TMEFF2: variants seen among roughly 807,000 people sequenced by gnomAD.
TMEFF2 encodes the protein transmembrane protein with EGF like and two follistatin like domains 2.
TMEFF2 carries 28 observed loss-of-function variants against 53.8 expected under a neutral mutation model. The ratio of observed to expected loss-of-function variants is 0.52; its 90% CI spans 0.39 to 0.71. The LOEUF (loss-of-function observed/expected upper bound fraction) is 0.71, where lower values mean the gene tolerates loss of function less well. TMEFF2 is among the 30% of genes least tolerant of loss of function. The pLI is 0.00. For missense variants in TMEFF2, 353 were observed against 455.2 expected (o/e 0.78, Z 2.04); for synonymous variants, 162 against 166.3 (o/e 0.97, Z 0.20).
At chr2:192,099,924 G>C (rs887182042) in intron 4 of TMEFF2, among the ~76,000 whole-genome samples, 8 of 151,964 alleles carry the variant, frequency 5.3e-5, no homozygotes, top group African/African-American at 1.9e-4. Context: ...TATTACTCAA[G>C]TGTATTCCAA....
At chr2:192,076,634 A>T (rs1688438645) in intron 4 of TMEFF2, among the ~76,000 whole-genome samples, 1 of 152,124 alleles carries the variant, frequency 6.6e-6, no homozygotes, top group Non-Finnish European at 1.5e-5. Context: ...AAAAGCAGCA[A>T]GTTCATTTAT....
rs1300671800 is a variant in TMEFF2 at position 191,993,178 on chromosome 2, C to T, written c.745+5084G>A. ...TTCTACAGAGAACAAGTTATTAGGA[C>T]AACTCACTTAAACTATCTAGATACC... On this transcript the variant is annotated intron_variant, in intron 7 of 9. Coordinates refer to ENST00000272771, the MANE Select transcript of TMEFF2 (RefSeq NM_016192.4). Among the ~76,000 whole-genome samples the T allele has an allele frequency of 2.0e-5, 3 of 152,032 alleles. No individual in the cohort carries two copies. In the South Asian group the frequency reaches 6.2e-4, roughly 31 times the overall value.
intron 4 of TMEFF2, among the ~76,000 whole-genome samples, chr2:192,119,935 G>A (rs1689508404): frequency 1.3e-5 from 2 of 152,162 alleles, no homozygotes; most frequent in South Asian, 4.1e-4. Flanking sequence ...CCTGAACTTG[G>A]TCCTGAGTAA....
At chr2:191,982,813 CCTT>C (rs1321181904) in intron 7 of TMEFF2, among the ~76,000 whole-genome samples, 1 of 151,982 alleles carries the variant, frequency 6.6e-6, no homozygotes, top group Non-Finnish European at 1.5e-5. Flanking sequence ...TTCTTTGACT[CCTT>C]AATTTTAAAA....
intron 5 of TMEFF2, among the ~76,000 whole-genome samples, chr2:192,017,174 G>A (rs1322221716): frequency 6.6e-6 from 1 of 152,206 alleles, no homozygotes; most frequent in Non-Finnish European, 1.5e-5. Context: ...TAGAGCTGGA[G>A]GTTCCCATGC....
chr2:192,038,314 T>A (rs552334805), intron 5 of TMEFF2, among the ~76,000 whole-genome samples: 98 of 152,302 alleles, frequency 6.4e-4, no homozygotes, highest in Non-Finnish European at 1.3e-3. Flanking sequence ...AAGTTCATCA[T>A]CTTTAAAACT....
chr2:192,042,796 A>G (rs1191136630), intron 5 of TMEFF2, among the ~76,000 whole-genome samples: 1 of 152,150 alleles, frequency 6.6e-6, no homozygotes, highest in Admixed American at 6.5e-5. Flanking sequence ...TAACACAGAG[A>G]AAGAGGTTCA....
intron 7 of TMEFF2, among the ~76,000 whole-genome samples, chr2:191,986,354 C>A (rs1685974090): frequency 6.6e-6 from 1 of 151,964 alleles, no homozygotes; most frequent in Non-Finnish European, 1.5e-5. Context: ...AAGCAGGGAC[C>A]CAAGTTATGC....
chr2:191,993,448 G>A (rs1476330856), intron 7 of TMEFF2, among the ~76,000 whole-genome samples: 1 of 152,018 alleles, frequency 6.6e-6, no homozygotes. Flanking sequence ...CCTGTAGCTA[G>A]ACTCAGAGAT....
intron 5 of TMEFF2, among the ~76,000 whole-genome samples, chr2:192,053,462 C>G (rs913279528): frequency 2.5e-5 from 3 of 122,000 alleles, no homozygotes; most frequent in African/African-American, 7.6e-5. Context: ...AAAGAAAGAT[C>G]AGGAATTAAT....
intron 5 of TMEFF2, among the ~76,000 whole-genome samples, chr2:192,041,420 C>T (rs1170157784): frequency 1.3e-5 from 2 of 152,144 alleles, no homozygotes; most frequent in Non-Finnish European, 2.9e-5. Flanking sequence ...TCAGATACCA[C>T]TTCATACCAA....
In TMEFF2 at chr2:192,193,798, A is replaced by AGAGG. The variant is rs1553534708; in HGVS notation, c.172+554_172+555insCCTC. 1.7e-3 allele frequency among the ~76,000 whole-genome samples: 243 copies of AGAGG among 139,910 alleles called. 6 individuals are homozygous for AGAGG. Among genetic ancestry groups the AGAGG allele is most frequent in the Middle Eastern group, 7.2e-3 (2 of 276 alleles). 91.8% of individuals were successfully genotyped at this position (139,910 alleles called of 152,430 possible). A position where few individuals can be genotyped will look rare whatever the true frequency, so the allele number is the denominator to read the frequency against. ...GAGAGAGAGAGAGAGAGAGAGAGAG[A>AGAGG]GAGAGAGAGAAATTCTATTGAAACC... On this transcript the variant is annotated intron_variant, in intron 1 of 9. Transcript: ENST00000272771.
At chr2:192,189,331 G>T (rs4303668) in intron 2 of TMEFF2, among the ~76,000 whole-genome samples, 133,155 of 151,600 alleles carry the variant, frequency 0.88, 58,618 homozygotes, top group East Asian at 1. Flanking sequence ...ATCTCCTGAG[G>T]GCAGGAGTTT....
At chr2:192,086,788 C>T (rs1413823677) in intron 4 of TMEFF2, among the ~76,000 whole-genome samples, 1 of 152,156 alleles carries the variant, frequency 6.6e-6, no homozygotes, top group East Asian at 1.9e-4. Context: ...CCTCTCAAGA[C>T]ACTTGCTTTG....
intron 5 of TMEFF2, among the ~76,000 whole-genome samples, chr2:192,021,657 G>A (rs1244628262): frequency 6.6e-6 from 1 of 152,160 alleles, no homozygotes; most frequent in Non-Finnish European, 1.5e-5. Context: ...GTGACAAGAC[G>A]CAAGCAAAAG....
intron 4 of TMEFF2, among the ~76,000 whole-genome samples, chr2:192,077,037 A>G (rs1688447988): frequency 6.6e-6 from 1 of 152,204 alleles, no homozygotes; most frequent in Non-Finnish European, 1.5e-5. Flanking sequence ...AATGATATCT[A>G]AATGGTAATG....
In TMEFF2 at chr2:191,962,353, A is replaced by G. The variant is rs1488098655; in HGVS notation, c.746-5975T>C. ...TGTGATTATCCTTATCGTTGCTTGC[A>G]TATGCTATAAATATTCTTATTGAAC... On this transcript the variant is annotated intron_variant, in intron 7 of 9. Coordinates refer to ENST00000272771, the MANE Select transcript of TMEFF2 (RefSeq NM_016192.4). Among the ~76,000 whole-genome samples the G allele has an allele frequency of 2.0e-5, 3 of 152,346 alleles. No individual in the cohort carries two copies. The East Asian group carries it at 5.8e-4, about 29-fold the overall frequency.
At chr2:191,969,978 A>G (rs1477152590) in intron 7 of TMEFF2, among the ~76,000 whole-genome samples, 1 of 152,230 alleles carries the variant, frequency 6.6e-6, no homozygotes, top group Non-Finnish European at 1.5e-5. Flanking sequence ...CAAAGCCAGT[A>G]TAAGCCCTGA....
intron 9 of TMEFF2, among the ~76,000 whole-genome samples, chr2:191,951,739 T>G (rs1559056995): frequency 6.6e-6 from 1 of 152,130 alleles, no homozygotes; most frequent in Non-Finnish European, 1.5e-5. Flanking sequence ...CTTTATTGAC[T>G]AGTATGAATC....
Sources: allele counts gnomAD v4.1 joint callset (sites outside exome capture counted in the v4.1 genomes callset), GRCh38; gene constraint gnomAD v4.1.1; transcripts MANE v1.5; gene names NCBI Gene and HGNC (gene_info 2026-07-23, HGNC 2026-07-21).